Variants in PRPF18 observed in about 807,000 individuals in gnomAD.
The protein encoded by PRPF18 is pre-mRNA-splicing factor 18.
PRPF18 carries 38 observed loss-of-function variants against 46.5 expected under a neutral mutation model. That is an observed-to-expected ratio of 0.82 (90% CI 0.63 to 1.07). The LOEUF (loss-of-function observed/expected upper bound fraction) is 1.07. PRPF18 is among the 50% of genes least tolerant of loss of function. The pLI, the probability that PRPF18 is intolerant of heterozygous loss-of-function variation, is 0.00. For missense variants in PRPF18, 263 were observed against 410.0 expected, an observed-to-expected ratio of 0.64 and a Z score of 3.10; for synonymous variants, 152 against 146.7, an observed-to-expected ratio of 1.04 and a Z score of -0.26.
At chr10:13,605,497 G>T (rs373510108) in intron 3 of PRPF18, 134 bp from the exon 4 acceptor site, 26 of 895,396 alleles carry the variant, frequency 2.9e-5, no homozygotes, top group East Asian at 3.8e-5. Flanking sequence ...CAGGAGAATC[G>T]CTTGAACCTG....
chr10:13,642,981 T>C, the PRPF18 span: 2 of 152,324 alleles, frequency 1.3e-5, no homozygotes, highest in African/African-American at 4.8e-5. Context: ...GAGGCCAGAC[T>C]TCCAGTTTTG....
intron 1 of PRPF18, among the ~76,000 whole-genome samples, chr10:13,592,659 A>G (rs2079981240): frequency 6.6e-6 from 1 of 152,210 alleles, no homozygotes. Flanking sequence ...CTGCATTGCT[A>G]GAACACCAGT....
the PRPF18 span, among the ~76,000 whole-genome samples, chr10:13,650,637 A>AG: frequency 2.0e-5 from 3 of 152,016 alleles, no homozygotes; most frequent in East Asian, 1.9e-4. Context: ...GGGCTGGGGG[A>AG]GGGGGTCTAC....
At chr10:13,647,055 G>T in the PRPF18 span, 6 of 715,934 alleles carry the variant, frequency 8.4e-6, no homozygotes, top group African/African-American at 3.9e-5. Flanking sequence ...GCCCAAGAAA[G>T]GAGATGAGAC....
At chr10:13,623,595 A>G (rs1439576656) in intron 9 of PRPF18, among the ~76,000 whole-genome samples, 1 of 152,232 alleles carries the variant, frequency 6.6e-6, no homozygotes, top group Non-Finnish European at 1.5e-5. Context: ...ACATGTCTTT[A>G]TACTTAAATA....
intron 4 of PRPF18, among the ~76,000 whole-genome samples, chr10:13,609,435 G>A (rs572082449): frequency 5.9e-5 from 9 of 152,128 alleles, no homozygotes; most frequent in Non-Finnish European, 8.8e-5. Flanking sequence ...CCCTATAGCC[G>A]CCTCACAGCC....
chr10:13,651,086 C>A, the PRPF18 span: 1 of 152,234 alleles, frequency 6.6e-6, no homozygotes, highest in Admixed American at 6.5e-5. Context: ...CCAGGTGGTA[C>A]TGTTATCTGC....
At chr10:13,648,786 C>CTGT in the PRPF18 span, 2 of 152,106 alleles carry the variant, frequency 1.3e-5, no homozygotes, top group Non-Finnish European at 2.9e-5. Context: ...GTTTCTTAAA[C>CTGT]TGTTGATGAA....
chr10:13,634,169 T>G (rs1036055276), downstream of PRPF18, among the ~76,000 whole-genome samples: 14 of 152,222 alleles, frequency 9.2e-5, no homozygotes, highest in African/African-American at 3.1e-4. Context: ...TCAGAACAAT[T>G]TATCATGAAA....
In PRPF18 at chr10:13,586,972, C is replaced by G. The variant is rs1053661391; in HGVS notation, c.-115C>G. The G allele has an allele frequency of 2.8e-6, 3 of 1,084,670 alleles. No homozygotes were observed. The highest frequency in any genetic ancestry group is 3.4e-5 in the Admixed American group (2 of 58,108). 67.2% of individuals were successfully genotyped at this position (1,084,670 alleles called of 1,614,324 possible). The stretch of plus-strand genomic sequence containing the variant: ...CCGGAAGCGGCTCCTGTCAGTTGTT[C>G]TCAGGTGTTTGGGCTTGTTGTTCCG... On this transcript the variant is annotated 5_prime_UTR_variant, in exon 1 of 10. Coordinates refer to ENST00000378572, the MANE Select transcript of PRPF18 (RefSeq NM_003675.4).
At chr10:13,654,412 T>C in the PRPF18 span, 1 of 1,576,212 alleles carries the variant, frequency 6.3e-7, no homozygotes, top group Non-Finnish European at 8.7e-7. Flanking sequence ...GAAGGAGAAC[T>C]CACCCAGTCT....
downstream of PRPF18, among the ~76,000 whole-genome samples, chr10:13,633,571 C>T (rs1429104696): frequency 6.6e-6 from 1 of 152,000 alleles, no homozygotes; most frequent in Non-Finnish European, 1.5e-5. Flanking sequence ...ACCTTTGTAC[C>T]CCCGCCTACC....
chr10:13,625,449 A>G (rs569077883), intron 9 of PRPF18, among the ~76,000 whole-genome samples: 2 of 152,370 alleles, frequency 1.3e-5, no homozygotes, highest in East Asian at 3.9e-4. Context: ...TAGTAATTAC[A>G]TTAGTGGGTT....
chr10:13,614,150 T>C (rs1460124076), intron 8 of PRPF18, 64 bp downstream of exon 8: 2 of 1,246,486 alleles, frequency 1.6e-6, no homozygotes, highest in Non-Finnish European at 2.2e-6. Context: ...CGTAATATAA[T>C]GTTCATTTGG....
In PRPF18 at chr10:13,616,334, A is replaced by G. The variant is rs932749970; in HGVS notation, c.793-64A>G. The G allele has an allele frequency of 6.1e-6, 9 of 1,471,202 alleles. No individual in the cohort carries two copies. The African/African-American group carries it at 9.9e-5, about 16-fold the overall frequency. 91.1% of individuals were successfully genotyped at this position (1,471,202 alleles called of 1,614,324 possible). A position where few individuals can be genotyped will look rare whatever the true frequency, so the allele number is the denominator to read the frequency against. On this transcript the variant is annotated intron_variant, in intron 8 of 9. Coordinates refer to ENST00000378572, the MANE Select transcript of PRPF18 (RefSeq NM_003675.4). The stretch of plus-strand genomic sequence containing the variant: ...TCATAAAGGGCTGTGAAATACTTTC[A>G]GTAAGAATTTGAGCCAGTACAACAT...
Position 13,600,316 on chromosome 10 carries a change from G to GA in PRPF18, c.222dup (p.Leu75IlefsTer7), listed in dbSNP as rs1156501024. On this transcript the variant is annotated frameshift_variant, in exon 3 of 10. Transcript: ENST00000378572. LOFTEE classifies it high-confidence loss of function. ...AGTGTTAGAACTTGAACTGGCAGAGGAAAAATTACCTATGACGCTTTCTAG... is the reference window on the plus strand; with the variant it reads ...AGTGTTAGAACTTGAACTGGCAGAGGAAAAAATTACCTATGACGCTTTCTAG... The GA allele has an allele frequency of 2.5e-6, 4 of 1,612,002 alleles. No individual in the cohort carries two copies. In the African/African-American group the frequency reaches 5.4e-5, roughly 22 times the overall value.
intron 8 of PRPF18, among the ~76,000 whole-genome samples, chr10:13,614,740 G>C (rs950546962): frequency 6.6e-6 from 1 of 152,154 alleles, no homozygotes; most frequent in African/African-American, 2.4e-5. Context: ...TTTAGAAAGG[G>C]ATGAGAGGAG....
chr10:13,654,787 T>C, the PRPF18 span: 12 of 480,596 alleles, frequency 2.5e-5, 1 homozygote, highest in South Asian at 4.4e-4. Flanking sequence ...CCTGGGATCC[T>C]AGGTCCCCGC....
chr10:13,625,792 G>T (rs955007724), intron 9 of PRPF18, among the ~76,000 whole-genome samples: 1 of 152,192 alleles, frequency 6.6e-6, no homozygotes, highest in Non-Finnish European at 1.5e-5. Flanking sequence ...GCACTAGAAG[G>T]TAGAAGACAG....
Sources: gnomAD v4.1 joint callset for allele counts (sites outside exome capture counted in the v4.1 genomes callset) on GRCh38, gnomAD v4.1.1 for gene constraint, MANE v1.5 for transcripts, NCBI Gene and HGNC (gene_info 2026-07-23, HGNC 2026-07-21) for gene names.